The following BOC variants were observed in gnomAD, a reference collection of about 807,000 sequenced individuals.
The protein encoded by BOC is brother of CDO.
BOC carries 76 observed loss-of-function variants against 112.0 expected under a neutral mutation model. The observed-to-expected ratio is 0.68, with a 90% CI of 0.56 to 0.82. The LOEUF (loss-of-function observed/expected upper bound fraction) is 0.82. BOC is among the 40% of genes least tolerant of loss of function. The pLI, the probability that BOC is intolerant of heterozygous loss-of-function variation, is 0.00. For synonymous variants in BOC, 580 were observed against 599.8 expected, an observed-to-expected ratio of 0.97 and a Z score of 0.48; for missense variants, 1,309 against 1,511.7, an observed-to-expected ratio of 0.87 and a Z score of 2.22.
chr3:113,215,686 C>A (rs1425882891), intron 1 of BOC, among the ~76,000 whole-genome samples: 1 of 152,210 alleles, frequency 6.6e-6, no homozygotes. Flanking sequence ...TTAAAACAAC[C>A]TAGGTTTAAA....
chr3:113,211,379 A>G (rs528028636), upstream of BOC: 1 of 152,362 alleles, frequency 6.6e-6, no homozygotes, highest in Admixed American at 6.5e-5. Flanking sequence ...TGTTAACGGG[A>G]AAACTGCCCT....
intron 5 of BOC, chr3:113,270,115 T>C (rs1947947289): frequency 6.6e-6 from 1 of 152,288 alleles, no homozygotes; most frequent in Non-Finnish European, 1.5e-5. Flanking sequence ...GTGGCATTCA[T>C]GGGGAGGACA....
At chr3:113,249,493 A>G (rs1259325510) in intron 2 of BOC, among the ~76,000 whole-genome samples, 1 of 152,194 alleles carries the variant, frequency 6.6e-6, no homozygotes, top group Non-Finnish European at 1.5e-5. Flanking sequence ...TACTACAATA[A>G]AATCACCTTC....
At chr3:113,226,397 C>A (rs1411531809) in intron 2 of BOC, among the ~76,000 whole-genome samples, 1 of 152,176 alleles carries the variant, frequency 6.6e-6, no homozygotes, top group Admixed American at 6.5e-5. Flanking sequence ...CTCTCCAGAG[C>A]AACCTGTAGA....
chr3:113,214,095 G>C (rs1938814652), intron 1 of BOC, among the ~76,000 whole-genome samples: 1 of 152,220 alleles, frequency 6.6e-6, no homozygotes, highest in Non-Finnish European at 1.5e-5. Context: ...AAAAGAGGTT[G>C]CTAGAAGCCA....
chr3:113,270,720 G>A lies in BOC; in HGVS notation c.524-81G>A, dbSNP rs559282861. Reference sequence around the variant, plus strand: ...CTGCCCAGCCTGTTCCTCTCCCTCCGTGCACCTCTCCTTTGTGGAAGCTGC... The same window carrying A: ...CTGCCCAGCCTGTTCCTCTCCCTCCATGCACCTCTCCTTTGTGGAAGCTGC... On this transcript the variant is annotated intron_variant, in intron 5 of 19. Transcript: ENST00000682979. The A allele has an allele frequency of 3.5e-4, 522 of 1,490,524 alleles. No homozygotes were observed. Among genetic ancestry groups the A allele is most frequent in the Non-Finnish European group, 4.3e-4 (481 of 1,105,792 alleles). 92.3% of individuals were successfully genotyped at this position (1,490,524 alleles called of 1,614,324 possible).
intron 15 of BOC, among the ~76,000 whole-genome samples, chr3:113,281,832 C>T (rs1949229471): frequency 6.6e-6 from 1 of 152,232 alleles, no homozygotes; most frequent in East Asian, 1.9e-4. Flanking sequence ...CATTCTCTCT[C>T]CTGCTTCACT....
intron 2 of BOC, among the ~76,000 whole-genome samples, chr3:113,241,584 G>C (rs186581710): frequency 6.6e-6 from 1 of 152,114 alleles, no homozygotes; most frequent in East Asian, 1.9e-4. Context: ...AAGAAAGAAA[G>C]AAAAAAGGAG....
chr3:113,272,452 C>G lies in BOC; in HGVS notation c.710C>G (p.Ala237Gly), dbSNP rs765492609. The G allele has an allele frequency of 1.2e-6, 2 of 1,614,120 alleles. No homozygotes were observed. The highest frequency in any genetic ancestry group is 2.7e-5 in the African/African-American group (2 of 75,030). ...GCCCGCATCATCTACCCCCCAGAGGCCCAAACCATCATCGTCACCAAAGGC... is the reference window on the plus strand; with the variant it reads ...GCCCGCATCATCTACCCCCCAGAGGGCCAAACCATCATCGTCACCAAAGGC... Reference protein sequence around the residue: ...EAARIIYPPEAQTIIVTKGQS... With the variant: ...EAARIIYPPEGQTIIVTKGQS... The change falls in exon 7 of 20, where the codon GCC becomes GGC. Residue 237 changes from alanine to glycine, a missense_variant. Ala to Gly is a moderately conservative substitution (Grantham distance 60). Coordinates refer to ENST00000682979, the MANE Select transcript of BOC (RefSeq NM_001378074.1).
At chr3:113,212,975 G>A (rs568433574) in intron 1 of BOC, among the ~76,000 whole-genome samples, 2 of 152,274 alleles carry the variant, frequency 1.3e-5, no homozygotes, top group South Asian at 4.1e-4. Context: ...GATGAGAGAG[G>A]CAGGCAGACC....
At chr3:113,230,044 T>G (rs1942351559) in intron 2 of BOC, among the ~76,000 whole-genome samples, 2 of 152,206 alleles carry the variant, frequency 1.3e-5, no homozygotes, top group African/African-American at 4.8e-5. Context: ...GATTCTCCTG[T>G]GCAGTCAGAA....
chr3:113,287,052 G>C lies in BOC; in HGVS notation c.*190G>C. 1 of 721,200 alleles carries C rather than the reference G, an allele frequency of 1.4e-6. No individual in the cohort carries two copies. Among genetic ancestry groups the C allele is most frequent in the South Asian group, 1.5e-5 (1 of 68,074 alleles). The allele number at this position is 721,200 out of a possible 1,614,324, so 44.7% of individuals were successfully genotyped here. On this transcript the variant is annotated 3_prime_UTR_variant, in exon 20 of 20. Transcript: ENST00000682979. The stretch of plus-strand genomic sequence containing the variant: ...TAAGGAGTCCTACCCGTTGAGGTTG[G>C]AGAGGGAAAATAAAGAAGCTGCCAC...
intron 4 of BOC, among the ~76,000 whole-genome samples, chr3:113,263,445 C>T (rs1417807080): frequency 2.6e-5 from 4 of 152,190 alleles, no homozygotes; most frequent in Non-Finnish European, 5.9e-5. Flanking sequence ...AAGCATCCAG[C>T]GGATGGTGGC....
At chr3:113,256,650 A>C (rs1022330116) in intron 4 of BOC, among the ~76,000 whole-genome samples, 1 of 152,328 alleles carries the variant, frequency 6.6e-6, no homozygotes, top group Non-Finnish European at 1.5e-5. Context: ...AGAATAGTCC[A>C]TAGTCCATTA....
intron 4 of BOC, among the ~76,000 whole-genome samples, chr3:113,263,283 G>C (rs1289973004): frequency 6.6e-6 from 1 of 152,206 alleles, no homozygotes; most frequent in Admixed American, 6.5e-5. Flanking sequence ...CCAGACCTCT[G>C]TAGAGGAATG....
In BOC at chr3:113,278,199, G is replaced by A; in HGVS notation, c.1647G>A (p.Glu549=). ...RLDPGSLYEV[E]MAAYNCAGEG... is the part of the protein sequence containing the mutation. ...ACCCCGGGAGCTTGTATGAAGTGGA[G>A]ATGGCAGCTTACAACTGTGCGGGAG... The change falls in exon 10 of 20, where the codon GAG becomes GAA. Residue 549 remains glutamate (E), a synonymous_variant. Transcript: ENST00000682979. The surrounding 1 kb of genome is among the most constrained non-coding windows in gnomAD (Gnocchi z 4.2). 6.2e-7 allele frequency: 1 copy of A among 1,614,232 alleles called. No individual in the cohort carries two copies. The highest frequency in any genetic ancestry group is 8.5e-7 in the Non-Finnish European group (1 of 1,180,054).
intron 7 of BOC, among the ~76,000 whole-genome samples, 162 bp downstream of exon 7, chr3:113,272,865 G>C (rs1948275280): frequency 6.6e-6 from 1 of 152,016 alleles, no homozygotes; most frequent in South Asian, 2.1e-4. Context: ...TCGGATCCCA[G>C]AGTAAGAGCA....
chr3:113,271,948 G>A (rs760202664), intron 6 of BOC: 9 of 182,894 alleles, frequency 4.9e-5, no homozygotes, highest in Middle Eastern at 2.5e-3. Context: ...GCCGGAGGCC[G>A]GCTCTGAGAT....
intron 11 of BOC, 69 bp from the exon 12 acceptor site, chr3:113,279,180 T>C: frequency 1.3e-6 from 2 of 1,518,820 alleles, no homozygotes; most frequent in Non-Finnish European, 1.8e-6. Flanking sequence ...TACAGCGTCA[T>C]CTCACCCTGC....
Sources: gnomAD v4.1 joint callset for allele counts (sites outside exome capture counted in the v4.1 genomes callset) on GRCh38, gnomAD v4.1.1 for gene constraint, Gnocchi (gnomAD v3.1) non-coding constraint, MANE v1.5 for transcripts, NCBI Gene and HGNC (gene_info 2026-07-23, HGNC 2026-07-21) for gene names.